The following NUP160 variants were observed in gnomAD, a reference collection of about 807,000 sequenced individuals.
The protein encoded by NUP160 is nucleoporin 160, also known as nuclear pore complex protein Nup160.
In NUP160, 94 loss-of-function variants were observed where a neutral mutation model predicts 196.9. That is an observed-to-expected ratio of 0.48 (90% confidence interval 0.40 to 0.57). NUP160 has a LOEUF of 0.57. NUP160 is among the 20% of genes least tolerant of loss of function. NUP160 has a pLI of 0.00. For missense variants in NUP160, 1,638 were observed against 1,748.3 expected, an observed-to-expected ratio of 0.94 and a Z score of 1.13; for synonymous variants, 605 against 619.7, an observed-to-expected ratio of 0.98 and a Z score of 0.35.
intron 20 of NUP160, 41 bp downstream of exon 20, chr11:47,806,112 C>A (rs375482863): frequency 1.2e-4 from 192 of 1,598,856 alleles, no homozygotes; most frequent in Non-Finnish European, 1.5e-4. Context: ...ACATGCCCGG[C>A]CAGAAGAGAG....
At chr11:47,841,937 G>A (rs575705792) in intron 2 of NUP160, among the ~76,000 whole-genome samples, 123 of 151,762 alleles carry the variant, frequency 8.1e-4, no homozygotes, top group South Asian at 4.8e-3. Flanking sequence ...CTCCCAAAGT[G>A]CTACCTGCCT....
chr11:47,811,123 C>T (rs762432063), intron 17 of NUP160, among the ~76,000 whole-genome samples: 16 of 152,096 alleles, frequency 1.1e-4, no homozygotes, highest in Non-Finnish European at 2.2e-4. Flanking sequence ...CTAAGAAGAA[C>T]AGAATGAAAA....
At chr11:47,829,776 C>A (rs186751290) in intron 7 of NUP160, among the ~76,000 whole-genome samples, 5 of 152,274 alleles carry the variant, frequency 3.3e-5, no homozygotes, top group Admixed American at 2.6e-4. Flanking sequence ...TGGAAGACAA[C>A]CATAGGCAAT....
intron 34 of NUP160, among the ~76,000 whole-genome samples, chr11:47,782,201 T>C (rs1326897307): frequency 6.7e-6 from 1 of 150,046 alleles, no homozygotes; most frequent in Non-Finnish European, 1.5e-5. Flanking sequence ...GGAGAATCAC[T>C]TGAACCCGGG....
chr11:47,835,722 A>G, exon 7 of NUP160: 1 of 1,607,240 alleles, frequency 6.2e-7, no homozygotes. Flanking sequence ...GCAAGCCGTA[A>G]TTTGTGTCCA....
chr11:47,840,134 T>C (rs1346173994), intron 3 of NUP160, 69 bp from the exon 4 acceptor site: 11 of 1,221,272 alleles, frequency 9.0e-6, no homozygotes, highest in Admixed American at 6.4e-5. Flanking sequence ...TTCCTCTCTA[T>C]TGCTAAAAAA....
At chr11:47,793,194 C>T (rs972165210) in intron 27 of NUP160, among the ~76,000 whole-genome samples, 1 of 152,040 alleles carries the variant, frequency 6.6e-6, no homozygotes, top group East Asian at 1.9e-4. Context: ...GAGAGTTTCA[C>T]CATGTTGGTC....
chr11:47,816,859 G>A (rs920792382), intron 11 of NUP160, among the ~76,000 whole-genome samples: 6 of 151,948 alleles, frequency 3.9e-5, no homozygotes, highest in Non-Finnish European at 8.8e-5. Context: ...TACCCAGGCT[G>A]GTCTTGAACT....
Position 47,848,215 on chromosome 11 carries a change from G to T in NUP160, c.202+4C>A, listed in dbSNP as rs769704827. On this transcript the variant is annotated splice_donor_region_variant and intron_variant, in intron 1 of 35. Transcript: ENST00000378460. ...GATCGCACCCTCCCTGGCCATTTCCGTACCAATGCTGCAGACTGTGAATTC... is the reference window on the plus strand; with the variant it reads ...GATCGCACCCTCCCTGGCCATTTCCTTACCAATGCTGCAGACTGTGAATTC... The T allele has an allele frequency of 6.2e-6, 10 of 1,614,136 alleles. No homozygotes were observed. The South Asian group carries it at 1.1e-4, about 18-fold the overall frequency.
chr11:47,823,535 C>T (rs1400537785), intron 7 of NUP160, among the ~76,000 whole-genome samples: 8 of 151,918 alleles, frequency 5.3e-5, no homozygotes, highest in Non-Finnish European at 1.0e-4. Context: ...GCATTTCCTT[C>T]CTTTTTTCTT....
At chr11:47,780,506 G>T in intron 34 of NUP160, 59 bp from the exon 35 acceptor site, 6 of 1,090,956 alleles carry the variant, frequency 5.5e-6, no homozygotes, top group Non-Finnish European at 8.4e-6. Flanking sequence ...CTTCTGGGTA[G>T]TTGCTTTCAT....
chr11:47,793,009 C>CA (rs576249289), intron 27 of NUP160, 63 bp from the exon 28 acceptor site: 1 of 1,449,392 alleles, frequency 6.9e-7, no homozygotes, highest in South Asian at 1.3e-5. Context: ...TTTTTGGAGA[C>CA]AGAGTCTTGC....
intron 34 of NUP160, among the ~76,000 whole-genome samples, chr11:47,781,001 C>A (rs978076112): frequency 6.6e-6 from 1 of 151,480 alleles, no homozygotes; most frequent in Non-Finnish European, 1.5e-5. Flanking sequence ...CCGAGGTGGG[C>A]GGATCACAAG....
intron 7 of NUP160, among the ~76,000 whole-genome samples, chr11:47,832,638 C>T (rs924464203): frequency 2.0e-5 from 3 of 152,216 alleles, no homozygotes; most frequent in Admixed American, 6.5e-5. Flanking sequence ...CTCATAGCCT[C>T]GCCCTGCCTG....
intron 10 of NUP160, among the ~76,000 whole-genome samples, chr11:47,819,170 G>A (rs189600520): frequency 6.6e-6 from 1 of 151,968 alleles, no homozygotes; most frequent in Non-Finnish European, 1.5e-5. Context: ...AAAATTAGCT[G>A]GGTGTGGTGG....
At chr11:47,807,841 T>C (rs145892023) in intron 18 of NUP160, among the ~76,000 whole-genome samples, 184 of 152,016 alleles carry the variant, frequency 1.2e-3, no homozygotes, top group Middle Eastern at 0.01. Flanking sequence ...ATAAGTATAA[T>C]ACATAATTTA....
chr11:47,779,974 C>T (rs975774203), intron 35 of NUP160, among the ~76,000 whole-genome samples: 4 of 152,184 alleles, frequency 2.6e-5, no homozygotes, highest in African/African-American at 9.7e-5. Flanking sequence ...AGGTAATCTG[C>T]CCGTCTCAGC....
intron 20 of NUP160, among the ~76,000 whole-genome samples, chr11:47,805,903 C>A (rs893160531): frequency 2.0e-5 from 3 of 152,020 alleles, no homozygotes; most frequent in East Asian, 3.9e-4. Context: ...TCACTGCAAC[C>A]TCCACCTCCC....
At chr11:47,838,135 A>AT (rs1165954481) in intron 4 of NUP160, among the ~76,000 whole-genome samples, 1 of 152,170 alleles carries the variant, frequency 6.6e-6, no homozygotes, top group Non-Finnish European at 1.5e-5. Flanking sequence ...GGGCACTGCA[A>AT]TTTTGAAAAG....
Sources: gnomAD v4.1 joint callset for allele counts (sites outside exome capture counted in the v4.1 genomes callset) on GRCh38, gnomAD v4.1.1 for gene constraint, MANE v1.5 for transcripts, NCBI Gene and HGNC (gene_info 2026-07-23, HGNC 2026-07-21) for gene names.